The following RYR3 variants were observed in gnomAD, a reference collection of about 807,000 sequenced individuals.
RYR3 encodes ryanodine receptor 3, also known as brain ryanodine receptor-calcium release channel.
RYR3 carries 207 observed loss-of-function variants against 584.3 expected under a neutral mutation model. The observed-to-expected ratio is 0.35, with a 90% confidence interval of 0.32 to 0.40. RYR3 has a LOEUF of 0.40. Among genes scored for constraint, RYR3 ranks in the 10% least tolerant of loss-of-function variants. RYR3 has a pLI of 1.00. For missense variants in RYR3, 5,616 were observed against 6,089.2 expected, an observed-to-expected ratio of 0.92 and a Z score of 2.59; for synonymous variants, 2,416 against 2,248.5, an observed-to-expected ratio of 1.07 and a Z score of -2.11.
intron 100 of RYR3, among the ~76,000 whole-genome samples, chr15:33,860,073 C>T (rs1289734525): frequency 3.9e-5 from 6 of 151,966 alleles, no homozygotes; most frequent in Non-Finnish European, 8.8e-5. Context: ...AGGGTAGGAG[C>T]AGAGGAGCTG....
intron 42 of RYR3, among the ~76,000 whole-genome samples, chr15:33,703,998 G>A (rs1422934397): frequency 6.6e-6 from 1 of 152,158 alleles, no homozygotes; most frequent in East Asian, 1.9e-4. Context: ...GGGCAGTCAT[G>A]GTGGCTCACG....
intron 85 of RYR3, chr15:33,830,726 T>C: frequency 2.7e-6 from 1 of 369,312 alleles, no homozygotes; most frequent in East Asian, 4.5e-5. Context: ...TTTCATAGTC[T>C]CCAAGTTCCA....
chr15:33,864,234 T>G (rs749579733), intron 103 of RYR3, 45 bp downstream of exon 103: 1 of 1,486,906 alleles, frequency 6.7e-7, no homozygotes, highest in South Asian at 1.2e-5. Flanking sequence ...CTCCCTTTCC[T>G]AAATCTTGAG....
At chr15:33,592,062 G>A (rs1378520685) in intron 16 of RYR3, among the ~76,000 whole-genome samples, 1 of 152,198 alleles carries the variant, frequency 6.6e-6, no homozygotes, top group South Asian at 2.1e-4. Context: ...ATGAAATGTG[G>A]TATCAGTGAT....
chr15:33,631,145 A>G, intron 22 of RYR3, 65 bp from the exon 23 acceptor site: 1 of 1,009,844 alleles, frequency 9.9e-7, no homozygotes, highest in Non-Finnish European at 1.5e-6. Flanking sequence ...TCGGATGTGA[A>G]TTAGGGTTCC....
chr15:33,634,824 C>G (rs2061426668), intron 25 of RYR3, 91 bp downstream of exon 25: 6 of 1,097,520 alleles, frequency 5.5e-6, no homozygotes, highest in Non-Finnish European at 8.2e-6. Flanking sequence ...CTAACTTGTA[C>G]TATTGGAAAT....
Position 33,750,234 on chromosome 15 carries a change from A to C in RYR3, c.8347A>C (p.Lys2783Gln). ...TAKEKFKDRE[K>Q]AQDLFKFLQV... is the part of the protein sequence containing the mutation. ...CAAGGAAAAGTTCAAGGACCGGGAG[A>C]AGGCACAGGACCTGTTTAAGTTCCT... is the stretch of plus-strand genomic sequence containing the variant. Residue 2783 changes from lysine to glutamine, a missense_variant, in exon 57 of 104, where the codon AAG becomes CAG. Coordinates refer to ENST00000634891, the MANE Select transcript of RYR3 (RefSeq NM_001036.6). The C allele has an allele frequency of 1.2e-6, 2 of 1,610,182 alleles. No homozygotes were observed. The highest frequency in any genetic ancestry group is 1.7e-6 in the Non-Finnish European group (2 of 1,178,282).
intron 36 of RYR3, among the ~76,000 whole-genome samples, chr15:33,667,997 A>G (rs1229812334): frequency 7.1e-6 from 1 of 141,494 alleles, no homozygotes; most frequent in Non-Finnish European, 1.5e-5. Flanking sequence ...CAGGTGGTGG[A>G]GGTTGCAGTG....
Position 33,370,142 on chromosome 15 carries a change from C to T in RYR3, c.51+59046C>T, listed in dbSNP as rs544168380. ...TACCATGGCAACCACATTGGTTTGA[C>T]TTGGAAGTATGTCTTAGGAACTGAA... On this transcript the variant is annotated intron_variant, in intron 1 of 103. Coordinates refer to ENST00000634891, the MANE Select transcript of RYR3 (RefSeq NM_001036.6). Among the ~76,000 whole-genome samples the T allele has an allele frequency of 1.1e-4, 17 of 152,274 alleles. No individual in the cohort carries two copies. The South Asian group carries it at 2.9e-3, about 26-fold the overall frequency.
Position 33,843,498 on chromosome 15 carries a change from C to T in RYR3, c.13220C>T (p.Ala4407Val). The change falls in exon 92 of 104, where the codon GCC (alanine) becomes GTC (valine). Residue 4407 changes from alanine to valine, a missense_variant. Coordinates refer to ENST00000634891, the MANE Select transcript of RYR3 (RefSeq NM_001036.6). The stretch of plus-strand genomic sequence containing the variant: ...TCCTTTTCTTTGCAGCATTACCTGG[C>T]CAGGAATTTCTACAACCTGAGGTTC... Reference protein sequence around the residue: ...IYQTKLLHYLARNFYNLRFLA... With the variant: ...IYQTKLLHYLVRNFYNLRFLA... The T allele has an allele frequency of 6.2e-7, 1 of 1,602,044 alleles. No homozygotes were observed. Among genetic ancestry groups the T allele is most frequent in the Non-Finnish European group, 8.5e-7 (1 of 1,173,546 alleles).
intron 77 of RYR3, among the ~76,000 whole-genome samples, 190 bp from the exon 78 acceptor site, chr15:33,820,566 C>T (rs1333282743): frequency 6.6e-6 from 1 of 152,236 alleles, no homozygotes; most frequent in Admixed American, 6.5e-5. Context: ...TCTATGGTAA[C>T]TGCGAAGATG....
At position 33,853,672 on chromosome 15, in the gene RYR3, C is replaced by G; in HGVS notation, c.13789C>G (p.Leu4597Val). Residue 4597 changes from leucine to valine, a missense_variant, in exon 96 of 104, where the codon CTG becomes GTG. This residue lies in a region of RYR3 where 918 missense variants were observed against 887.4 expected (regional missense o/e 1.03). Transcript: ENST00000634891. ...AGAGACCAAAGCAGAAGCGGCTTCT[C>G]TGGTGTCATGGTACAAAAAGCTTAG... ...VEETKAEAAS[L>V]VSWLSSIDMK... The G allele has an allele frequency of 1.2e-6, 2 of 1,613,678 alleles. No homozygotes were observed. The highest frequency in any genetic ancestry group is 8.5e-7 in the Non-Finnish European group (1 of 1,179,750).
chr15:33,650,662 C>T lies in RYR3; in HGVS notation c.4142+1427C>T, dbSNP rs569586959. Among the ~76,000 whole-genome samples, 6 of 152,292 alleles carry T rather than the reference C, an allele frequency of 3.9e-5. No individual in the cohort carries two copies. In the South Asian group the frequency reaches 1.2e-3, roughly 32 times the overall value. On this transcript the variant is annotated intron_variant, in intron 31 of 103. Coordinates refer to ENST00000634891, the MANE Select transcript of RYR3 (RefSeq NM_001036.6). ...CAACATCTTCCACCTATACCAAAAT[C>T]CGCTCATACTCAATGACCTCAGTCA...
intron 1 of RYR3, among the ~76,000 whole-genome samples, chr15:33,461,702 C>G (rs892874097): frequency 1.3e-5 from 2 of 152,188 alleles, no homozygotes; most frequent in Non-Finnish European, 2.9e-5. Context: ...CTTACAGCAG[C>G]TCAGCCTAGG....
intron 1 of RYR3, among the ~76,000 whole-genome samples, chr15:33,444,418 A>G (rs1425883352): frequency 1.3e-5 from 2 of 152,262 alleles, no homozygotes. Context: ...TGATAAAACC[A>G]TAGACCCTAC....
At chr15:33,313,797 G>T (rs1452579549) in intron 1 of RYR3, among the ~76,000 whole-genome samples, 1 of 152,210 alleles carries the variant, frequency 6.6e-6, no homozygotes, top group Non-Finnish European at 1.5e-5. Flanking sequence ...CCATCCCAGA[G>T]AGCAGAAGCT....
At chr15:33,675,818 A>AAT (rs2152731899) in intron 38 of RYR3, among the ~76,000 whole-genome samples, 1 of 152,268 alleles carries the variant, frequency 6.6e-6, no homozygotes, top group East Asian at 1.9e-4. Flanking sequence ...TTAGCAAGAC[A>AAT]ATAGTCTTTT....
intron 1 of RYR3, among the ~76,000 whole-genome samples, chr15:33,315,428 G>A (rs970519332): frequency 6.6e-6 from 1 of 152,178 alleles, no homozygotes; most frequent in Non-Finnish European, 1.5e-5. Flanking sequence ...AGCAATGGAG[G>A]TAGTGCTAAA....
At position 33,473,580 on chromosome 15, in the gene RYR3, G is replaced by C. The variant is rs748642626; in HGVS notation, c.171+42G>C. On this transcript the variant is annotated intron_variant, in intron 2 of 103. Transcript: ENST00000634891. ...GCCCTACACCTTCTTCCACCTTGGC[G>C]TCTGACAAAGTCATTTAGGGGAGAT... 3.1e-6 allele frequency: 5 copies of C among 1,604,548 alleles called. No homozygotes were observed. The East Asian group carries it at 1.1e-4, about 36-fold the overall frequency.
Sources: gnomAD v4.1 joint callset for allele counts (sites outside exome capture counted in the v4.1 genomes callset) on GRCh38, gnomAD v4.1.1 for gene constraint, gnomAD v4.1.1 regional missense constraint, MANE v1.5 for transcripts, NCBI Gene and HGNC (gene_info 2026-07-23, HGNC 2026-07-21) for gene names.